SHD: variants seen among roughly 807,000 people sequenced by gnomAD.
SHD encodes Src homology 2 domain containing transforming protein D.
In SHD, 29 loss-of-function variants were observed where a neutral mutation model predicts 31.2. The observed-to-expected ratio is 0.93, with a 90% CI of 0.69 to 1.27. The LOEUF (loss-of-function observed/expected upper bound fraction) is 1.27. Among genes scored for constraint, SHD ranks in the 50% most tolerant of loss-of-function variants. The pLI is 0.00. For synonymous variants in SHD, 208 were observed against 187.8 expected (o/e 1.11, Z -0.88); for missense variants, 520 against 453.8 (o/e 1.15, Z -1.33).
chr19:4,286,314 T>A (rs868055006), intron 4 of SHD, among the ~76,000 whole-genome samples: 6 of 136,194 alleles, frequency 4.4e-5, no homozygotes, highest in African/African-American at 1.9e-4. Flanking sequence ...CTTCCTTCCT[T>A]CCTACCTTCC....
At chr19:4,282,788 T>C in intron 1 of SHD, 82 bp from the exon 2 acceptor site, 2 of 1,029,720 alleles carry the variant, frequency 1.9e-6, no homozygotes, top group Admixed American at 4.2e-5. Flanking sequence ...CAGATGGCCC[T>C]GTGGGCAGGC....
chr19:4,290,477 C>G lies in SHD; in HGVS notation c.867C>G (p.Phe289Leu), dbSNP rs760735710. 1 of 1,612,904 alleles carries G rather than the reference C, an allele frequency of 6.2e-7. No individual in the cohort carries two copies. The highest frequency in any genetic ancestry group is 1.1e-5 in the South Asian group (1 of 91,010). The change falls in exon 6 of 6, where the codon TTC (phenylalanine) becomes TTG (leucine). Residue 289 changes from phenylalanine (F) to leucine (L), a missense_variant. Coordinates refer to ENST00000543264, the MANE Select transcript of SHD (RefSeq NM_020209.4). Reference protein sequence around the residue: ...RSSQGFLHLKFARTRENQVVL... With the variant: ...RSSQGFLHLKLARTRENQVVL... ...GCCAGGGCTTCCTGCATCTGAAGTT[C>G]GCGCGGACCCGTGAGAACCAGGTGG...
At position 4,282,907 on chromosome 19, in the gene SHD, C is replaced by A; in HGVS notation, c.335C>A (p.Ala112Asp). The A allele has an allele frequency of 6.2e-7, 1 of 1,613,972 alleles. No individual in the cohort carries two copies. The highest frequency in any genetic ancestry group is 2.2e-5 in the East Asian group (1 of 44,870). ...ACTGAGTATTTAGACCCCTTTGATG[C>A]TCAGCCTCATCCTGCACCCCCGGAT... Reference protein sequence around the residue: ...ADTEYLDPFDAQPHPAPPDDG... With the variant: ...ADTEYLDPFDDQPHPAPPDDG... Residue 112 changes from alanine to aspartate, a missense_variant, in exon 2 of 6, where the codon GCT becomes GAT. Physicochemically the swap from Ala to Asp is moderately radical, Grantham distance 126. Transcript: ENST00000543264.
In SHD at chr19:4,288,295, T is replaced by C. The variant is rs1464109707; in HGVS notation, c.769T>C (p.Cys257Arg). Residue 257 changes from cysteine (C) to arginine (R), a missense_variant, in exon 5 of 6, where the codon TGC (cysteine) becomes CGC (arginine). Physicochemically the swap from Cys to Arg is radical, Grantham distance 180 (BLOSUM62 -3). Coordinates refer to ENST00000543264, the MANE Select transcript of SHD (RefSeq NM_020209.4). ...GGATGCAGAGAGCCTCCTGTCCCTC[T>C]GCAAGGAAGGCAGCTACCTAGTGCG... ...RADAESLLSLCKEGSYLVRLS... is the reference protein window; with the variant it reads ...RADAESLLSLRKEGSYLVRLS... 1.9e-6 allele frequency: 3 copies of C among 1,613,836 alleles called. No individual in the cohort carries two copies. Among genetic ancestry groups the C allele is most frequent in the Non-Finnish European group, 2.5e-6 (3 of 1,179,946 alleles).
At position 4,283,870 on chromosome 19, in the gene SHD, G is replaced by A. The variant is rs539462447; in HGVS notation, c.592+628G>A. ...TGGGATTACAGGCAGGAGCCACCGCGCCCCCGCCCGGGGCAGCATTTCTTA... is the reference window on the plus strand; with the variant it reads ...TGGGATTACAGGCAGGAGCCACCGCACCCCCGCCCGGGGCAGCATTTCTTA... On this transcript the variant is annotated intron_variant, in intron 3 of 5. Coordinates refer to ENST00000543264, the MANE Select transcript of SHD (RefSeq NM_020209.4). Among the ~76,000 whole-genome samples, 291 of 151,718 alleles carry A rather than the reference G, an allele frequency of 1.9e-3. 1 individual carries two copies. The highest frequency in any genetic ancestry group is 3.3e-3 in the Non-Finnish European group (223 of 67,920).
At chr19:4,289,180 G>A (rs1326209686) in intron 5 of SHD, among the ~76,000 whole-genome samples, 1 of 143,356 alleles carries the variant, frequency 7.0e-6, no homozygotes, top group Non-Finnish European at 1.5e-5. Flanking sequence ...GCGCGATCTC[G>A]GCTCACTGCA....
intron 5 of SHD, among the ~76,000 whole-genome samples, chr19:4,290,165 C>T (rs879681625): frequency 5.3e-5 from 8 of 152,112 alleles, no homozygotes; most frequent in South Asian, 4.1e-4. Flanking sequence ...CGTGAGCCAC[C>T]GCACCCGCCT....
At chr19:4,285,889 CTTTTTTT>C (rs56142317) in intron 4 of SHD, among the ~76,000 whole-genome samples, 1,290 of 87,362 alleles carry the variant, frequency 0.015, 15 homozygotes, top group Non-Finnish European at 0.022. Context: ...CTTTTCCTTT[CTTTTTTT>C]TTTTTTTTTT....
Position 4,284,924 on chromosome 19 carries a change from G to A in SHD, c.716+20G>A, listed in dbSNP as rs1320324378. ...ACAGCCGTGAGTGGGGAAGCTGAAG[G>A]TGGAAGAGCCCCGTTGAACGTATCT... On this transcript the variant is annotated intron_variant, in intron 4 of 5. Coordinates refer to ENST00000543264, the MANE Select transcript of SHD (RefSeq NM_020209.4). 1 of 1,576,352 alleles carries A rather than the reference G, an allele frequency of 6.3e-7. No individual in the cohort carries two copies. The highest frequency in any genetic ancestry group is 8.6e-7 in the Non-Finnish European group (1 of 1,158,752).
chr19:4,289,682 T>G (rs540128044), intron 5 of SHD, among the ~76,000 whole-genome samples: 1 of 151,706 alleles, frequency 6.6e-6, no homozygotes, highest in South Asian at 2.1e-4. Flanking sequence ...GCCATTCTCC[T>G]GCCTCAGCCT....
At position 4,280,220 on chromosome 19, in the gene SHD, T is replaced by G. The variant is rs781191574; in HGVS notation, c.157T>G (p.Leu53Val). The change falls in exon 1 of 6, where the codon TTG (leucine) becomes GTG (valine). Residue 53 changes from leucine to valine, a missense_variant. Leu to Val is a conservative substitution (Grantham distance 32, BLOSUM62 1). Coordinates refer to ENST00000543264, the MANE Select transcript of SHD (RefSeq NM_020209.4). ...EDPYEDAESRLEPDPAGPGDS... is the reference protein window; with the variant it reads ...EDPYEDAESRVEPDPAGPGDS... ...CCCCTATGAGGACGCGGAGAGCCGC[T>G]TGGAGCCGGACCCCGCGGGCCCTGG... 8 of 1,613,288 alleles carry G rather than the reference T, an allele frequency of 5.0e-6. No homozygotes were observed. In the East Asian group the frequency reaches 1.6e-4, roughly 32 times the overall value.
intron 3 of SHD, chr19:4,284,563 T>C (rs1340734891): frequency 7.2e-6 from 3 of 414,434 alleles, no homozygotes; most frequent in South Asian, 8.3e-5. Context: ...CTTGTGCTCC[T>C]TGCCACCAGA....
At position 4,288,060 on chromosome 19, in the gene SHD, C is replaced by T. The variant is rs770783037; in HGVS notation, c.717-183C>T. 1.8e-4 allele frequency: 99 copies of T among 541,356 alleles called. No individual in the cohort carries two copies. The Middle Eastern group carries it at 3.0e-3, about 16-fold the overall frequency. The allele number at this position is 541,356 out of a possible 1,614,324, so 33.5% of individuals were successfully genotyped here. On this transcript the variant is annotated intron_variant, in intron 4 of 5. Coordinates refer to ENST00000543264, the MANE Select transcript of SHD (RefSeq NM_020209.4). ...GGGATTACAGGCACCCGCCACCACG[C>T]CCGGCTAATTTTTTTTGTATTTTTA...
intron 4 of SHD, among the ~76,000 whole-genome samples, chr19:4,285,333 T>A (rs1479454138): frequency 2.6e-5 from 4 of 152,112 alleles, no homozygotes; most frequent in Non-Finnish European, 5.9e-5. Flanking sequence ...GATGCAGGAT[T>A]TTGGTGGGCT....
chr19:4,290,299 C>G lies in SHD; in HGVS notation c.837-148C>G. ...ATATCACTGGGATTACAGGTGTGAG[C>G]GAGTATACCAGCCACCACACTGCTG... On this transcript the variant is annotated intron_variant, in intron 5 of 5. Transcript: ENST00000543264. The G allele has an allele frequency of 2.9e-5, 23 of 782,524 alleles. No homozygotes were observed. In the South Asian group the frequency reaches 4.3e-4, roughly 14 times the overall value. The allele number at this position is 782,524 out of a possible 1,614,324, so 48.5% of individuals were successfully genotyped here. A position where few individuals can be genotyped will look rare whatever the true frequency, so the allele number is the denominator to read the frequency against.
rs144296562 is a variant in SHD at position 4,283,097 on chromosome 19, G to A, written c.447G>A (p.Glu149=). ...RGVQLYDTPY[E]EQDPETADGP... is the part of the protein sequence containing the mutation. ...TGCAGCTCTATGACACCCCTTATGAGGAACAGGACCCAGAGACAGCAGATG... is the reference window on the plus strand; with the variant it reads ...TGCAGCTCTATGACACCCCTTATGAAGAACAGGACCCAGAGACAGCAGATG... Residue 149 remains glutamate, a synonymous_variant, in exon 3 of 6, where the codon GAG becomes GAA. Coordinates refer to ENST00000543264, the MANE Select transcript of SHD (RefSeq NM_020209.4). 3 of 1,613,998 alleles carry A rather than the reference G, an allele frequency of 1.9e-6. No individual in the cohort carries two copies. Among genetic ancestry groups the A allele is most frequent in the Non-Finnish European group, 2.5e-6 (3 of 1,180,014 alleles).
intron 5 of SHD, among the ~76,000 whole-genome samples, chr19:4,288,646 T>C (rs1369065623): frequency 6.6e-6 from 1 of 152,128 alleles, no homozygotes; most frequent in Non-Finnish European, 1.5e-5. Flanking sequence ...GTGCACAAGA[T>C]TCCTCTGGAC....
chr19:4,280,470 C>G (rs1044773053), intron 1 of SHD, 110 bp downstream of exon 1: 2 of 1,186,394 alleles, frequency 1.7e-6, no homozygotes, highest in South Asian at 1.6e-5. Context: ...GACTGGGGCA[C>G]CAGACAGACC....
chr19:4,282,430 A>C (rs1971265209), intron 1 of SHD, among the ~76,000 whole-genome samples: 1 of 151,778 alleles, frequency 6.6e-6, no homozygotes, highest in African/African-American at 2.4e-5. Flanking sequence ...AAAATAAATA[A>C]ATAAATAAAA....
Sources: allele counts gnomAD v4.1 joint callset (sites outside exome capture counted in the v4.1 genomes callset), GRCh38; gene constraint gnomAD v4.1.1; transcripts MANE v1.5; gene names NCBI Gene and HGNC (gene_info 2026-07-23, HGNC 2026-07-21).